The following ROBO2 variants were observed in gnomAD, a reference collection of about 807,000 sequenced individuals.
ROBO2 encodes roundabout guidance receptor 2.
Under a neutral mutation model 160.8 loss-of-function variants are expected in ROBO2, and 53 were observed. The observed-to-expected ratio is 0.33, with a 90% CI of 0.26 to 0.41. The LOEUF (loss-of-function observed/expected upper bound fraction) is 0.41, where lower values mean the gene tolerates loss of function less well. ROBO2 is among the 10% of genes least tolerant of loss of function. The pLI, the probability that ROBO2 is intolerant of heterozygous loss-of-function variation, is 1.00. For synonymous variants in ROBO2, 664 were observed against 611.7 expected, an observed-to-expected ratio of 1.09 and a Z score of -1.26; for missense variants, 1,577 against 1,722.4, an observed-to-expected ratio of 0.92 and a Z score of 1.49.
At chr3:75,962,532 A>T (rs1290324494) in intron 2 of ROBO2, among the ~76,000 whole-genome samples, 1 of 151,600 alleles carries the variant, frequency 6.6e-6, no homozygotes, top group Admixed American at 6.6e-5. Context: ...AAAAAGCTTG[A>T]ACTCCAAATA....
intron 2 of ROBO2, among the ~76,000 whole-genome samples, chr3:76,105,064 G>C (rs2069861170): frequency 6.6e-6 from 1 of 151,996 alleles, no homozygotes; most frequent in Non-Finnish European, 1.5e-5. Flanking sequence ...CTTTAGGTGG[G>C]TCATAAGCTC....
In ROBO2 at chr3:76,033,995, T is replaced by C. The variant is rs141501653; in HGVS notation, c.109+96393T>C. Among the ~76,000 whole-genome samples, 1,090 of 152,308 alleles carry C rather than the reference T, an allele frequency of 7.2e-3. 18 individuals are homozygous for C. Among genetic ancestry groups the C allele is most frequent in the African/African-American group, 0.025 (1,054 of 41,570 alleles). ...GAACATAACTTCCGTGACATTTCAT[T>C]GATCAAAGCAAGCCACATGGGCAAC... On this transcript the variant is annotated intron_variant, in intron 2 of 26. Transcript: ENST00000487694.
chr3:76,860,209 TC>T (rs1005622695), intron 2 of ROBO2, among the ~76,000 whole-genome samples: 1 of 152,180 alleles, frequency 6.6e-6, no homozygotes, highest in African/African-American at 2.4e-5. Flanking sequence ...CTGATGCTAT[TC>T]CCACTATACC....
exon 2 of ROBO2, chr3:77,098,080 C>T: frequency 6.2e-7 from 1 of 1,607,174 alleles, no homozygotes; most frequent in South Asian, 1.1e-5. Flanking sequence ...GTCATCGTCT[C>T]TAAGGGCGAG....
chr3:76,871,729 G>C (rs1477686654), intron 2 of ROBO2, among the ~76,000 whole-genome samples: 1 of 152,110 alleles, frequency 6.6e-6, no homozygotes, highest in Admixed American at 6.5e-5. Context: ...CCTATTATCT[G>C]GAGATTTGTG....
At chr3:76,625,223 A>C (rs1027100436) in intron 2 of ROBO2, among the ~76,000 whole-genome samples, 3 of 149,622 alleles carry the variant, frequency 2.0e-5, no homozygotes, top group Non-Finnish European at 4.4e-5. Flanking sequence ...GAAATCATAA[A>C]TCTCTCAAGC....
chr3:76,642,046 G>C (rs1050446879), intron 2 of ROBO2, among the ~76,000 whole-genome samples: 3 of 152,102 alleles, frequency 2.0e-5, no homozygotes, highest in Admixed American at 2.0e-4. Context: ...AAAAGCTGAC[G>C]TAGGGTTAGG....
intron 2 of ROBO2, among the ~76,000 whole-genome samples, chr3:76,903,407 G>A (rs72631206): frequency 0.17 from 25,766 of 151,806 alleles, 2,236 homozygotes; most frequent in South Asian, 0.22. Flanking sequence ...TATTCTGCTG[G>A]GAGTCAATTG....
chr3:77,468,052 G>A (rs899786368), intron 2 of ROBO2, among the ~76,000 whole-genome samples: 1 of 152,164 alleles, frequency 6.6e-6, no homozygotes, highest in African/African-American at 2.4e-5. Flanking sequence ...ACTTGATCTG[G>A]TTTCTTTGAG....
At chr3:77,558,105 G>T in exon 9 of ROBO2, 1 of 1,613,120 alleles carries the variant, frequency 6.2e-7, no homozygotes, top group Non-Finnish European at 8.5e-7. Context: ...AGATCCAAGA[G>T]CAACAATTCA....
intron 2 of ROBO2, among the ~76,000 whole-genome samples, chr3:77,408,119 A>G (rs943364223): frequency 5.9e-5 from 9 of 152,122 alleles, no homozygotes; most frequent in Non-Finnish European, 1.2e-4. Flanking sequence ...AAACAAACAA[A>G]AAAACCTTCC....
intron 2 of ROBO2, among the ~76,000 whole-genome samples, chr3:76,802,361 A>C (rs1185664173): frequency 6.6e-6 from 1 of 152,190 alleles, no homozygotes; most frequent in African/African-American, 2.4e-5. Context: ...TTAGTTTACC[A>C]TGAATTTACC....
At chr3:77,140,721 A>G (rs1169041873) in intron 2 of ROBO2, among the ~76,000 whole-genome samples, 1 of 152,212 alleles carries the variant, frequency 6.6e-6, no homozygotes, top group Non-Finnish European at 1.5e-5. Flanking sequence ...GTTAAAATTT[A>G]GCCCAGGGTC....
chr3:77,419,732 A>G (rs9654017), intron 2 of ROBO2, among the ~76,000 whole-genome samples: 105,768 of 151,998 alleles, frequency 0.7, 37,926 homozygotes, highest in African/African-American at 0.87. Flanking sequence ...ACAAAGTAGA[A>G]GTTAATATAA....
At chr3:76,996,717 T>C (rs2061033773) in intron 2 of ROBO2, among the ~76,000 whole-genome samples, 1 of 152,194 alleles carries the variant, frequency 6.6e-6, no homozygotes, top group Non-Finnish European at 1.5e-5. Flanking sequence ...AGTACATTCT[T>C]ACCAAGTATT....
chr3:76,947,530 T>C (rs1470854855), intron 2 of ROBO2, among the ~76,000 whole-genome samples: 1 of 152,210 alleles, frequency 6.6e-6, no homozygotes, highest in African/African-American at 2.4e-5. Flanking sequence ...CAATTTCAAA[T>C]GCCTGCAATC....
At chr3:77,311,308 G>C (rs1235159490) in intron 2 of ROBO2, among the ~76,000 whole-genome samples, 2 of 152,122 alleles carry the variant, frequency 1.3e-5, no homozygotes, top group Non-Finnish European at 2.9e-5. Context: ...AAATATCCCG[G>C]TGCTTTCGGT....
intron 2 of ROBO2, among the ~76,000 whole-genome samples, chr3:77,009,444 T>G (rs1479220841): frequency 6.6e-6 from 1 of 152,186 alleles, no homozygotes; most frequent in Non-Finnish European, 1.5e-5. Context: ...ATTGTTTACA[T>G]TTTTTATAAT....
In ROBO2 at chr3:76,598,596, T is replaced by C. The variant is rs1317133551; in HGVS notation, c.110-499418T>C. Among the ~76,000 whole-genome samples, 4 of 152,158 alleles carry C rather than the reference T, an allele frequency of 2.6e-5. No individual in the cohort carries two copies. In the East Asian group the frequency reaches 7.7e-4, roughly 29 times the overall value. On this transcript the variant is annotated intron_variant, in intron 2 of 26. Transcript: ENST00000487694. ...ACACATTAACTCTCTGTATTAGTTC[T>C]TAAAAGTCCTTATGAATCTGTAATT...
Sources: allele counts gnomAD v4.1 joint callset (sites outside exome capture counted in the v4.1 genomes callset), GRCh38; gene constraint gnomAD v4.1.1; transcripts MANE v1.5; gene names NCBI Gene and HGNC (gene_info 2026-07-23, HGNC 2026-07-21).